The following CTNNA3 variants were observed in gnomAD, a reference collection of about 807,000 sequenced individuals.
CTNNA3 encodes the protein catenin alpha 3, also known as catenin alpha-3.
Under a neutral mutation model 95.7 loss-of-function variants are expected in CTNNA3, and 76 were observed. That is an observed-to-expected ratio of 0.79 (90% CI 0.66 to 0.96). The LOEUF (loss-of-function observed/expected upper bound fraction) is 0.96, where lower values mean the gene tolerates loss of function less well. Ranked by LOEUF, CTNNA3 falls within the 40% of genes least tolerant of loss-of-function variation. The probability of loss-of-function intolerance (pLI) is 0.00; values close to 1 mark genes in which losing one functional copy is unlikely to be tolerated. For missense variants in CTNNA3, 1,191 were observed against 1,089.8 expected, an observed-to-expected ratio of 1.09 and a Z score of -1.31; for synonymous variants, 431 against 374.4, an observed-to-expected ratio of 1.15 and a Z score of -1.74.
At chr10:66,106,349 GT>G (rs2081910531) in intron 13 of CTNNA3, among the ~76,000 whole-genome samples, 1 of 145,648 alleles carries the variant, frequency 6.9e-6, no homozygotes, top group Non-Finnish European at 1.5e-5. Context: ...GTGTGTGTGT[GT>G]GTGTGTGTGT....
At chr10:66,554,471 G>A (rs1842330019) in intron 10 of CTNNA3, among the ~76,000 whole-genome samples, 1 of 152,106 alleles carries the variant, frequency 6.6e-6, no homozygotes. Context: ...TCCTTCTAGA[G>A]ATTCCAATGG....
At chr10:67,129,488 T>A (rs548072739) in intron 7 of CTNNA3, among the ~76,000 whole-genome samples, 1 of 152,188 alleles carries the variant, frequency 6.6e-6, no homozygotes, top group Non-Finnish European at 1.5e-5. Flanking sequence ...TCAAGTATAA[T>A]GTGCAATTAA....
At chr10:67,523,472 G>A (rs1203756893) in intron 4 of CTNNA3, among the ~76,000 whole-genome samples, 2 of 152,122 alleles carry the variant, frequency 1.3e-5, no homozygotes, top group African/African-American at 4.8e-5. Context: ...ATTGAACTGG[G>A]TTTTTATTAC....
chr10:67,504,213 G>A (rs1472536822), intron 5 of CTNNA3, among the ~76,000 whole-genome samples: 1 of 149,698 alleles, frequency 6.7e-6, no homozygotes, highest in Non-Finnish European at 1.5e-5. Context: ...AGAACTTGAG[G>A]AGGCTGAGGC....
chr10:66,409,497 A>C (rs762269577), intron 11 of CTNNA3, among the ~76,000 whole-genome samples: 1 of 152,194 alleles, frequency 6.6e-6, no homozygotes, highest in African/African-American at 2.4e-5. Context: ...GAGATAATAT[A>C]ATCATAATAA....
chr10:67,289,759 A>G (rs7072142), intron 5 of CTNNA3, among the ~76,000 whole-genome samples: 31,642 of 145,904 alleles, frequency 0.22, 5,323 homozygotes, highest in African/African-American at 0.51. Flanking sequence ...AGGATGGATG[A>G]ATGGATGGAT....
At chr10:67,031,194 T>A (rs917868430) in intron 7 of CTNNA3, among the ~76,000 whole-genome samples, 13 of 152,180 alleles carry the variant, frequency 8.5e-5, no homozygotes, top group Non-Finnish European at 1.6e-4. Context: ...CTGATTTATA[T>A]AAATTGATAT....
intron 15 of CTNNA3, among the ~76,000 whole-genome samples, chr10:65,989,558 A>G (rs954080921): frequency 2.6e-5 from 4 of 151,934 alleles, no homozygotes; most frequent in African/African-American, 9.7e-5. Context: ...TTCTGTTGCT[A>G]TATTTTAGTT....
intron 2 of CTNNA3, among the ~76,000 whole-genome samples, chr10:67,609,411 G>C (rs115917191): frequency 6.6e-6 from 1 of 151,814 alleles, no homozygotes; most frequent in Non-Finnish European, 1.5e-5. Flanking sequence ...TTCGATGTTT[G>C]TTTACTTGGA....
At position 67,226,033 on chromosome 10, in the gene CTNNA3, C is replaced by T. The variant is rs144822433; in HGVS notation, c.580-6163G>A. ...GATAGATAGCTTAAAGAAAAAACAA[C>T]CACAAATTCAGGAAACATTGGACAC... On this transcript the variant is annotated intron_variant, in intron 5 of 17. Coordinates refer to ENST00000433211, the MANE Select transcript of CTNNA3 (RefSeq NM_013266.4). Among the ~76,000 whole-genome samples, 443 of 152,150 alleles carry T rather than the reference C, an allele frequency of 2.9e-3. 2 individuals carry two copies. Among genetic ancestry groups the T allele is most frequent in the African/African-American group, 9.8e-3 (407 of 41,526 alleles).
intron 5 of CTNNA3, among the ~76,000 whole-genome samples, chr10:67,330,086 A>T (rs1013520745): frequency 6.6e-6 from 1 of 152,222 alleles, no homozygotes; most frequent in African/African-American, 2.4e-5. Flanking sequence ...CTTATATGTC[A>T]TTAATCTTAC....
intron 5 of CTNNA3, among the ~76,000 whole-genome samples, chr10:67,261,013 C>A (rs539388812): frequency 6.6e-6 from 1 of 152,210 alleles, no homozygotes; most frequent in African/African-American, 2.4e-5. Context: ...ATTTCTTTGA[C>A]AAAAGAAAGT....
intron 10 of CTNNA3, among the ~76,000 whole-genome samples, chr10:66,565,687 G>A (rs1564536747): frequency 1.3e-5 from 2 of 152,216 alleles, no homozygotes; most frequent in East Asian, 1.9e-4. Context: ...CTGTTTTAGC[G>A]ACATAAACTC....
chr10:65,996,282 C>A (rs2078657167), intron 15 of CTNNA3, among the ~76,000 whole-genome samples: 1 of 152,134 alleles, frequency 6.6e-6, no homozygotes, highest in South Asian at 2.1e-4. Flanking sequence ...GTTTCAAGTT[C>A]TGGGGAGCAC....
intron 14 of CTNNA3, among the ~76,000 whole-genome samples, chr10:66,090,194 TGAAA>T (rs1302604744): frequency 6.6e-6 from 1 of 151,930 alleles, no homozygotes; most frequent in Non-Finnish European, 1.5e-5. Flanking sequence ...TAGAAATTCA[TGAAA>T]GAATCCCATG....
chr10:67,103,087 C>A (rs143866963), intron 7 of CTNNA3, among the ~76,000 whole-genome samples: 4 of 151,962 alleles, frequency 2.6e-5, no homozygotes, highest in African/African-American at 9.6e-5. Flanking sequence ...ATCAGAACCA[C>A]TGGGATGGAT....
chr10:66,042,562 A>G (rs1384262437), intron 15 of CTNNA3, among the ~76,000 whole-genome samples: 1 of 152,082 alleles, frequency 6.6e-6, no homozygotes, highest in Non-Finnish European at 1.5e-5. Flanking sequence ...GGTCATATCT[A>G]AAAGATAAAT....
intron 11 of CTNNA3, among the ~76,000 whole-genome samples, chr10:66,384,933 T>C (rs2092876747): frequency 6.6e-6 from 1 of 152,152 alleles, no homozygotes; most frequent in African/African-American, 2.4e-5. Context: ...CTGGGACACA[T>C]TTAAAGCAGT....
At chr10:67,342,633 T>C (rs1018331923) in intron 5 of CTNNA3, among the ~76,000 whole-genome samples, 9 of 152,074 alleles carry the variant, frequency 5.9e-5, no homozygotes, top group African/African-American at 2.2e-4. Flanking sequence ...GAGATAGGGG[T>C]CTAGTTTCAT....
Sources: allele counts gnomAD v4.1 joint callset (sites outside exome capture counted in the v4.1 genomes callset), GRCh38; gene constraint gnomAD v4.1.1; transcripts MANE v1.5; gene names NCBI Gene and HGNC (gene_info 2026-07-23, HGNC 2026-07-21).